DYNC1I1: variants seen among roughly 807,000 people sequenced by gnomAD.
DYNC1I1 encodes the protein cytoplasmic dynein 1 intermediate chain 1.
In DYNC1I1, 43 loss-of-function variants were observed where a neutral mutation model predicts 86.6. The observed-to-expected ratio is 0.50, with a 90% CI of 0.39 to 0.64. DYNC1I1 has a LOEUF of 0.64. Ranked by LOEUF, DYNC1I1 falls within the 30% of genes least tolerant of loss-of-function variation. The pLI, the probability that DYNC1I1 is intolerant of heterozygous loss-of-function variation, is 0.00. For missense variants in DYNC1I1, 604 were observed against 788.8 expected (o/e 0.77, Z 2.81); for synonymous variants, 262 against 283.7 (o/e 0.92, Z 0.77).
Position 95,995,983 on chromosome 7 carries a change from T to C in DYNC1I1, c.879T>C (p.Asn293=). 2 of 1,610,788 alleles carry C rather than the reference T, an allele frequency of 1.2e-6. No individual in the cohort carries two copies. Among genetic ancestry groups the C allele is most frequent in the East Asian group, 4.5e-5 (2 of 44,856 alleles). Residue 293 remains asparagine, a synonymous_variant, in exon 10 of 17, where the codon AAT becomes AAC. Coordinates refer to ENST00000447467, the MANE Select transcript of DYNC1I1 (RefSeq NM_001135556.2). ...PELMVASYNN[N]EDAPHEPDGV... is the part of the protein sequence containing the mutation. Reference sequence around the variant, plus strand: ...TGATGGTGGCTTCTTACAACAACAATGAAGATGCTCCCCATGAACCAGATG... The same window carrying C: ...TGATGGTGGCTTCTTACAACAACAACGAAGATGCTCCCCATGAACCAGATG...
At position 96,063,097 on chromosome 7, in the gene DYNC1I1, G is replaced by T. The variant is rs952542879; in HGVS notation, c.1510-12960G>T. On this transcript the variant is annotated intron_variant, in intron 14 of 16. Transcript: ENST00000447467. ...AATATATGTGTATGTGTGTGTGTGTGTGTATATATATGTGTGTGTGTGTGT... is the reference window on the plus strand; with the variant it reads ...AATATATGTGTATGTGTGTGTGTGTTTGTATATATATGTGTGTGTGTGTGT... 2.0e-4 allele frequency among the ~76,000 whole-genome samples: 29 copies of T among 143,902 alleles called. No homozygotes were observed. In the East Asian group the frequency reaches 5.1e-3, roughly 25 times the overall value. The allele number at this position is 143,902 out of a possible 152,430, so 94.4% of individuals were successfully genotyped here.
intron 5 of DYNC1I1, among the ~76,000 whole-genome samples, chr7:95,846,780 A>T (rs1789444720): frequency 6.6e-6 from 1 of 152,220 alleles, no homozygotes; most frequent in Non-Finnish European, 1.5e-5. Flanking sequence ...TTCAGATGTT[A>T]CACCTTGACA....
intron 3 of DYNC1I1, among the ~76,000 whole-genome samples, chr7:95,812,185 A>C (rs1326776150): frequency 6.6e-6 from 1 of 152,178 alleles, no homozygotes; most frequent in African/African-American, 2.4e-5. Flanking sequence ...TAAAACAGTT[A>C]AGCCCTTTAC....
chr7:95,814,373 T>C (rs1316731161), intron 4 of DYNC1I1, among the ~76,000 whole-genome samples: 1 of 152,184 alleles, frequency 6.6e-6, no homozygotes, highest in Non-Finnish European at 1.5e-5. Flanking sequence ...AATGCTTTAA[T>C]CAAGTTTTAA....
At chr7:95,869,208 A>G (rs1451918955) in intron 5 of DYNC1I1, among the ~76,000 whole-genome samples, 4 of 152,016 alleles carry the variant, frequency 2.6e-5, no homozygotes, top group Non-Finnish European at 5.9e-5. Flanking sequence ...ACCCCTGAAA[A>G]CCCTTGAAGT....
chr7:95,916,712 A>T (rs1375914752), intron 6 of DYNC1I1, among the ~76,000 whole-genome samples: 2 of 152,090 alleles, frequency 1.3e-5, no homozygotes, highest in African/African-American at 4.8e-5. Context: ...TCTTAAACCC[A>T]GTTTTGCCGC....
chr7:95,836,285 G>A (rs1242860332), intron 5 of DYNC1I1, among the ~76,000 whole-genome samples: 2 of 152,108 alleles, frequency 1.3e-5, no homozygotes, highest in Non-Finnish European at 2.9e-5. Context: ...TAAGAATGTT[G>A]AATATTGGCC....
At chr7:95,830,422 CTTAG>C (rs1795295678) in intron 5 of DYNC1I1, among the ~76,000 whole-genome samples, 1 of 152,022 alleles carries the variant, frequency 6.6e-6, no homozygotes, top group African/African-American at 2.4e-5. Context: ...ATCACTATAC[CTTAG>C]TTTGCCTTTC....
intron 6 of DYNC1I1, among the ~76,000 whole-genome samples, chr7:95,933,810 C>T (rs1331376749): frequency 6.6e-6 from 1 of 152,008 alleles, no homozygotes; most frequent in Non-Finnish European, 1.5e-5. Context: ...GTTATGCCAC[C>T]CACAGCCTTT....
At chr7:96,045,933 G>C (rs1218244028) in intron 14 of DYNC1I1, among the ~76,000 whole-genome samples, 1 of 152,198 alleles carries the variant, frequency 6.6e-6, no homozygotes, top group East Asian at 1.9e-4. Context: ...TTCAGAAGAG[G>C]ATGCTAATCG....
chr7:95,777,471 A>G (rs1249992953), intron 1 of DYNC1I1, among the ~76,000 whole-genome samples: 1 of 152,184 alleles, frequency 6.6e-6, no homozygotes, highest in East Asian at 1.9e-4. Context: ...TTGCTTCTAA[A>G]TCCTGGGAGG....
chr7:96,041,683 A>G (rs1789057265), intron 14 of DYNC1I1, among the ~76,000 whole-genome samples: 1 of 152,178 alleles, frequency 6.6e-6, no homozygotes, highest in Admixed American at 6.5e-5. Flanking sequence ...TTATGGAGTG[A>G]TCCCTAAGAT....
intron 4 of DYNC1I1, among the ~76,000 whole-genome samples, chr7:95,826,560 T>C (rs1243470115): frequency 6.6e-6 from 1 of 152,178 alleles, no homozygotes; most frequent in African/African-American, 2.4e-5. Context: ...CATATCCCTA[T>C]ATTCTAGAGA....
At chr7:96,081,830 C>T (rs1007430640) in intron 16 of DYNC1I1, among the ~76,000 whole-genome samples, 16 of 152,050 alleles carry the variant, frequency 1.1e-4, no homozygotes, top group African/African-American at 2.4e-4. Flanking sequence ...ACAAGCTAGA[C>T]GGTGTTTTTT....
chr7:96,073,188 G>A (rs567251934), intron 14 of DYNC1I1, among the ~76,000 whole-genome samples: 2 of 152,172 alleles, frequency 1.3e-5, no homozygotes, highest in East Asian at 3.9e-4. Context: ...AAACACACAC[G>A]TACTGTAGCC....
At chr7:96,067,886 TAGAA>T (rs946374974) in intron 14 of DYNC1I1, among the ~76,000 whole-genome samples, 2 of 152,068 alleles carry the variant, frequency 1.3e-5, no homozygotes, top group African/African-American at 2.4e-5. Context: ...CATACACACT[TAGAA>T]AGAGAGAGAG....
At chr7:96,045,212 C>CAT (rs1362748312) in intron 14 of DYNC1I1, among the ~76,000 whole-genome samples, 1 of 152,168 alleles carries the variant, frequency 6.6e-6, no homozygotes, top group Non-Finnish European at 1.5e-5. Context: ...GAATTAGTAA[C>CAT]ATAAGATATT....
chr7:95,932,194 G>GTGAC (rs1791917174), intron 6 of DYNC1I1, among the ~76,000 whole-genome samples: 1 of 152,076 alleles, frequency 6.6e-6, no homozygotes, highest in African/African-American at 2.4e-5. Context: ...TCTCCTATGG[G>GTGAC]TGACTATGTA....
intron 16 of DYNC1I1, among the ~76,000 whole-genome samples, chr7:96,105,580 A>G (rs536488329): frequency 7.2e-5 from 11 of 152,302 alleles, no homozygotes; most frequent in Admixed American, 6.5e-4. Context: ...GGGTTTTCCC[A>G]TAATCGTTCC....
Sources: gnomAD v4.1 joint callset for allele counts (sites outside exome capture counted in the v4.1 genomes callset) on GRCh38, gnomAD v4.1.1 for gene constraint, MANE v1.5 for transcripts, NCBI Gene and HGNC (gene_info 2026-07-23, HGNC 2026-07-21) for gene names.